Variants in TMEM250 observed in about 807,000 individuals in gnomAD.
The protein encoded by TMEM250 is transmembrane protein 250, also known as herpes virus UL25-binding protein.
TMEM250 carries 7 observed loss-of-function variants against 7.0 expected under a neutral mutation model. The observed-to-expected ratio is 1.00, with a 90% confidence interval of 0.57 to 1.87. TMEM250 has a LOEUF of 1.87. Ranked by LOEUF, TMEM250 falls within the 40% of genes most tolerant of loss-of-function variation. The pLI, the probability that TMEM250 is intolerant of heterozygous loss-of-function variation, is 0.00. For missense variants in TMEM250, 196 were observed against 202.5 expected (o/e 0.97, Z 0.19); for synonymous variants, 135 against 96.7 (o/e 1.40, Z -2.32).
At chr9:136,117,349 T>C (rs1830728376) in intron 1 of TMEM250, among the ~76,000 whole-genome samples, 1 of 152,214 alleles carries the variant, frequency 6.6e-6, no homozygotes. Context: ...GGCTCTTTCC[T>C]GCAGGATCCT....
At position 136,116,163 on chromosome 9, in the gene TMEM250, G is replaced by T. The variant is rs971235093; in HGVS notation, c.*318C>A. On this transcript the variant is annotated 3_prime_UTR_variant, in exon 2 of 2. Coordinates refer to ENST00000418388, the MANE Select transcript of TMEM250 (RefSeq NM_152833.3). ...ATGTCTAAAGTCCCTGGCAGCTGTG[G>T]TCCTGGAGAGAGGCCCACAGAGAGG... The T allele has an allele frequency of 7.2e-5, 37 of 510,482 alleles. No homozygotes were observed. Among genetic ancestry groups the T allele is most frequent in the African/African-American group, 5.8e-4 (30 of 51,538 alleles). The allele number at this position is 510,482 out of a possible 1,614,324, so 31.6% of individuals were successfully genotyped here.
Position 136,116,813 on chromosome 9 carries a change from C to A in TMEM250, c.88G>T (p.Ala30Ser). 1 of 1,610,094 alleles carries A rather than the reference C, an allele frequency of 6.2e-7. No homozygotes were observed. ...CLHAACGPVRASHLARTKYNN... is the reference protein window; with the variant it reads ...CLHAACGPVRSSHLARTKYNN... ...TACTTGGTGCGGGCCAGGTGGGAGG[C>A]GCGCACGGGCCCGCAGGCCGCATGC... The change falls in exon 2 of 2, where the codon GCC (alanine) becomes TCC (serine). Residue 30 changes from alanine to serine, a missense_variant. Physicochemically the swap from Ala to Ser is moderately conservative, Grantham distance 99. Transcript: ENST00000418388.
rs762421391 is a variant in TMEM250 at position 136,116,963 on chromosome 9, C to T, written c.-63G>A. 2 of 1,395,444 alleles carry T rather than the reference C, an allele frequency of 1.4e-6. No homozygotes were observed. The highest frequency in any genetic ancestry group is 1.5e-5 in the African/African-American group (1 of 65,580). 86.4% of individuals were successfully genotyped at this position (1,395,444 alleles called of 1,614,324 possible). ...GCGGCGGTGTCCAGGCGGCTGTTGGCGTAGGGGTCATGGGCGCCTAGGCCT... is the reference window on the plus strand; with the variant it reads ...GCGGCGGTGTCCAGGCGGCTGTTGGTGTAGGGGTCATGGGCGCCTAGGCCT... On this transcript the variant is annotated 5_prime_UTR_variant, in exon 2 of 2. Transcript: ENST00000418388.
chr9:136,116,051 G>A lies in TMEM250; in HGVS notation c.*430C>T, dbSNP rs2037215012. The A allele has an allele frequency of 2.4e-6, 1 of 411,360 alleles. No homozygotes were observed. Among genetic ancestry groups the A allele is most frequent in the Non-Finnish European group, 4.3e-6 (1 of 234,102 alleles). The allele number at this position is 411,360 out of a possible 1,614,324, so 25.5% of individuals were successfully genotyped here. A position where few individuals can be genotyped will look rare whatever the true frequency, so the allele number is the denominator to read the frequency against. On this transcript the variant is annotated 3_prime_UTR_variant, in exon 2 of 2. Transcript: ENST00000418388. ...TTGGCTGGGGCTGGGGCCAGGGCAC[G>A]CAGAAGGGGCTGTGCAGCCAGGAGG...
In TMEM250 at chr9:136,116,149, C is replaced by A; in HGVS notation, c.*332G>T. On this transcript the variant is annotated 3_prime_UTR_variant, in exon 2 of 2. Transcript: ENST00000418388. The stretch of plus-strand genomic sequence containing the variant: ...GGCCTCCCAGGGTGATGTCTAAAGT[C>A]CCTGGCAGCTGTGGTCCTGGAGAGA... 2.1e-6 allele frequency: 1 copy of A among 471,470 alleles called. No homozygotes were observed. The highest frequency in any genetic ancestry group is 3.7e-6 in the Non-Finnish European group (1 of 269,530). The allele number at this position is 471,470 out of a possible 1,614,324, so 29.2% of individuals were successfully genotyped here.
At position 136,116,050 on chromosome 9, in the gene TMEM250, C is replaced by T; in HGVS notation, c.*431G>A. ...GTTGGCTGGGGCTGGGGCCAGGGCA[C>T]GCAGAAGGGGCTGTGCAGCCAGGAG... On this transcript the variant is annotated 3_prime_UTR_variant, in exon 2 of 2. Transcript: ENST00000418388. 9.7e-6 allele frequency: 4 copies of T among 412,044 alleles called. No individual in the cohort carries two copies. Among genetic ancestry groups the T allele is most frequent in the Non-Finnish European group, 1.7e-5 (4 of 234,528 alleles). 25.5% of individuals were successfully genotyped at this position (412,044 alleles called of 1,614,324 possible).
Position 136,116,808 on chromosome 9 carries a change from G to T in TMEM250, c.93C>A (p.Ser31=), listed in dbSNP as rs752082199. The change falls in exon 2 of 2, where the codon TCC becomes TCA. Residue 31 remains serine, a synonymous_variant. Coordinates refer to ENST00000418388, the MANE Select transcript of TMEM250 (RefSeq NM_152833.3). ...TGTTGTACTTGGTGCGGGCCAGGTGGGAGGCGCGCACGGGCCCGCAGGCCG... is the reference window on the plus strand; with the variant it reads ...TGTTGTACTTGGTGCGGGCCAGGTGTGAGGCGCGCACGGGCCCGCAGGCCG... ...LHAACGPVRA[S]HLARTKYNNF... is the part of the protein sequence containing the mutation. 1.2e-6 allele frequency: 2 copies of T among 1,611,496 alleles called. No individual in the cohort carries two copies. The highest frequency in any genetic ancestry group is 8.5e-7 in the Non-Finnish European group (1 of 1,179,432).
Position 136,116,869 on chromosome 9 carries a change from C to T in TMEM250, c.32G>A (p.Arg11His). 1.9e-6 allele frequency: 3 copies of T among 1,559,698 alleles called. No individual in the cohort carries two copies. Among genetic ancestry groups the T allele is most frequent in the South Asian group, 1.1e-5 (1 of 87,868 alleles). Residue 11 changes from arginine to histidine, a missense_variant, in exon 2 of 2, where the codon CGC (arginine) becomes CAC (histidine). By Grantham distance (29) the Arg-to-His change is conservative (BLOSUM62 0). Transcript: ENST00000418388. ...GGTGGTGTGCGGGCCGTGGAAGGAG[C>T]GCACCCGCCGCGGAATGGGCATGAC... MPVMPIPRRV[R>H]SFHGPHTTCL...
rs1276476300 is a variant in TMEM250 at position 136,116,646 on chromosome 9, G to A, written c.255C>T (p.Arg85=). The change falls in exon 2 of 2, where the codon CGC becomes CGT. Residue 85 remains arginine (R), a synonymous_variant. Coordinates refer to ENST00000418388, the MANE Select transcript of TMEM250 (RefSeq NM_152833.3). ...ALFCLQYLGV[R]VLLRFQRKLS... ...GCTTGCGCTGGAAGCGCAGCAGGAC[G>A]CGAACGCCCAGGTACTGTAGGCAGA... The A allele has an allele frequency of 3.7e-6, 6 of 1,611,066 alleles. No homozygotes were observed. The highest frequency in any genetic ancestry group is 2.2e-5 in the South Asian group (2 of 91,076).
rs1473173776 is a variant in TMEM250 at position 136,117,060 on chromosome 9, G to A, written c.-124-36C>T. The A allele has an allele frequency of 6.5e-6, 8 of 1,231,274 alleles. No homozygotes were observed. In the South Asian group the frequency reaches 7.5e-5, roughly 12 times the overall value. The allele number at this position is 1,231,274 out of a possible 1,614,324, so 76.3% of individuals were successfully genotyped here. A position where few individuals can be genotyped will look rare whatever the true frequency, so the allele number is the denominator to read the frequency against. On this transcript the variant is annotated intron_variant, in intron 1 of 1. Transcript: ENST00000418388. ...AGCCGCAAAACCCACGTCAGTATGA[G>A]GACACCATGCGGATCCCTCCCCAGG...
At position 136,116,920 on chromosome 9, in the gene TMEM250, CGCTAGGTCGCAGTGGCGGCGGCGGT is replaced by C. The variant is rs1379499110; in HGVS notation, c.-45_-21del. The C allele has an allele frequency of 1.0e-5, 15 of 1,459,544 alleles. No individual in the cohort carries two copies. Among genetic ancestry groups the C allele is most frequent in the African/African-American group, 1.5e-5 (1 of 68,540 alleles). 90.4% of individuals were successfully genotyped at this position (1,459,544 alleles called of 1,614,324 possible). On this transcript the variant is annotated 5_prime_UTR_variant, in exon 2 of 2. Transcript: ENST00000418388. Reference sequence around the variant, plus strand: ...CGGCATTGGGCCCCGGCGGCGGCGGCGCTAGGTCGCAGTGGCGGCGGCGGTGTCCAGGCGGCTGTTGGCGTAGGGG... The same window carrying C: ...CGGCATTGGGCCCCGGCGGCGGCGGCGTCCAGGCGGCTGTTGGCGTAGGGG...
At position 136,115,022 on chromosome 9, in the gene TMEM250, CA is replaced by C; in HGVS notation, c.*1458del. On this transcript the variant is annotated 3_prime_UTR_variant, in exon 2 of 2. Transcript: ENST00000418388. ...TTTCTCTACCTGATTTAGGGTTTTT[CA>C]AAAAGTTTCTCTTCCAGTGGCACAC... 6.6e-6 allele frequency: 1 copy of C among 152,284 alleles called. No homozygotes were observed. The highest frequency in any genetic ancestry group is 1.5e-5 in the Non-Finnish European group (1 of 68,006). 9.4% of individuals were successfully genotyped at this position (152,284 alleles called of 1,614,324 possible). A position where few individuals can be genotyped will look rare whatever the true frequency, so the allele number is the denominator to read the frequency against.
chr9:136,117,499 A>G (rs1830732290), intron 1 of TMEM250, among the ~76,000 whole-genome samples: 1 of 152,212 alleles, frequency 6.6e-6, no homozygotes, highest in African/African-American at 2.4e-5. Flanking sequence ...GGGCCGGGAA[A>G]AGGGACTCCA....
rs982770325 is a variant in TMEM250 at position 136,115,907 on chromosome 9, C to T, written c.*574G>A. Reference sequence around the variant, plus strand: ...CTGGGGACTCAGGACCCACACAGCCCCTCAGGATGACACACACAGGGTGGT... The same window carrying T: ...CTGGGGACTCAGGACCCACACAGCCTCTCAGGATGACACACACAGGGTGGT... On this transcript the variant is annotated 3_prime_UTR_variant, in exon 2 of 2. Coordinates refer to ENST00000418388, the MANE Select transcript of TMEM250 (RefSeq NM_152833.3). The T allele has an allele frequency of 1.3e-5, 5 of 389,176 alleles. No homozygotes were observed. The highest frequency in any genetic ancestry group is 2.2e-5 in the Non-Finnish European group (5 of 223,500). 24.1% of individuals were successfully genotyped at this position (389,176 alleles called of 1,614,324 possible). A position where few individuals can be genotyped will look rare whatever the true frequency, so the allele number is the denominator to read the frequency against.
chr9:136,117,137 A>G, intron 1 of TMEM250, 113 bp from the exon 2 acceptor site: 2 of 599,750 alleles, frequency 3.3e-6, no homozygotes, highest in Non-Finnish European at 5.1e-6. Flanking sequence ...CTACGGGAAA[A>G]TGGAGTCCAG....
In TMEM250 at chr9:136,115,016, G is replaced by A. The variant is rs1400205523; in HGVS notation, c.*1465C>T. 6.6e-6 allele frequency: 1 copy of A among 152,202 alleles called. No individual in the cohort carries two copies. The highest frequency in any genetic ancestry group is 2.4e-5 in the African/African-American group (1 of 41,446). 9.4% of individuals were successfully genotyped at this position (152,202 alleles called of 1,614,324 possible). A position where few individuals can be genotyped will look rare whatever the true frequency, so the allele number is the denominator to read the frequency against. On this transcript the variant is annotated 3_prime_UTR_variant, in exon 2 of 2. Coordinates refer to ENST00000418388, the MANE Select transcript of TMEM250 (RefSeq NM_152833.3). ...TTTTGCTTTCTCTACCTGATTTAGG[G>A]TTTTTCAAAAAGTTTCTCTTCCAGT...
Position 136,118,609 on chromosome 9 carries a change from G to T in TMEM250, c.-249C>A, listed in dbSNP as rs1830764474. On this transcript the variant is annotated 5_prime_UTR_variant, in exon 1 of 2. Transcript: ENST00000418388. ...GTGCGCAGGGCGGCCGCATGGTGCTGGGGCGCGCGGCTGGGGGCGCTGGCA... is the reference window on the plus strand; with the variant it reads ...GTGCGCAGGGCGGCCGCATGGTGCTTGGGCGCGCGGCTGGGGGCGCTGGCA... 6.6e-6 allele frequency: 1 copy of T among 151,896 alleles called. No individual in the cohort carries two copies. Among genetic ancestry groups the T allele is most frequent in the Admixed American group, 6.6e-5 (1 of 15,234 alleles). The allele number at this position is 151,896 out of a possible 1,614,324, so 9.4% of individuals were successfully genotyped here. A position where few individuals can be genotyped will look rare whatever the true frequency, so the allele number is the denominator to read the frequency against.
intron 1 of TMEM250, among the ~76,000 whole-genome samples, chr9:136,117,589 G>C (rs1564257150): frequency 6.6e-6 from 1 of 152,358 alleles, no homozygotes; most frequent in South Asian, 2.1e-4. Flanking sequence ...TGGACGGCTC[G>C]GGGGCCGTGG....
At chr9:136,117,417 C>G (rs1830730140) in intron 1 of TMEM250, among the ~76,000 whole-genome samples, 1 of 152,242 alleles carries the variant, frequency 6.6e-6, no homozygotes, top group Non-Finnish European at 1.5e-5. Context: ...CCGTTACTGC[C>G]CTGGTCTTCT....
Sources: allele counts gnomAD v4.1 joint callset (sites outside exome capture counted in the v4.1 genomes callset), GRCh38; gene constraint gnomAD v4.1.1; transcripts MANE v1.5; gene names NCBI Gene and HGNC (gene_info 2026-07-23, HGNC 2026-07-21).